Variants in ATP10B observed in about 807,000 individuals in gnomAD.
ATP10B encodes the protein phospholipid-transporting ATPase VB.
ATP10B carries 122 observed loss-of-function variants against 141.2 expected under a neutral mutation model. That is an observed-to-expected ratio of 0.86 (90% CI 0.75 to 1.00). ATP10B has a LOEUF of 1.00. Among genes scored for constraint, ATP10B ranks in the 50% least tolerant of loss-of-function variants. The pLI, the probability that ATP10B is intolerant of heterozygous loss-of-function variation, is 0.00. For missense variants in ATP10B, 1,876 were observed against 1,825.3 expected, an observed-to-expected ratio of 1.03 and a Z score of -0.51; for synonymous variants, 685 against 692.0, an observed-to-expected ratio of 0.99 and a Z score of 0.16.
chr5:160,716,832 T>A lies in ATP10B; in HGVS notation c.-205+77A>T, dbSNP rs1039329020. 19 of 903,062 alleles carry A rather than the reference T, an allele frequency of 2.1e-5. 1 individual carries two copies. In the South Asian group the frequency reaches 3.1e-4, roughly 15 times the overall value. The allele number at this position is 903,062 out of a possible 1,614,324, so 55.9% of individuals were successfully genotyped here. A position where few individuals can be genotyped will look rare whatever the true frequency, so the allele number is the denominator to read the frequency against. On this transcript the variant is annotated intron_variant, in intron 3 of 25. Coordinates refer to ENST00000327245, the MANE Select transcript of ATP10B (RefSeq NM_025153.3). Reference sequence around the variant, plus strand: ...AAGGTGGTGTCATGAACCAAAGGACTATTGGAGCTACATCCACCTCAGTCA... The same window carrying A: ...AAGGTGGTGTCATGAACCAAAGGACAATTGGAGCTACATCCACCTCAGTCA...
intron 10 of ATP10B, 21 bp downstream of exon 10, chr5:160,640,440 T>C: frequency 1.2e-6 from 2 of 1,612,130 alleles, no homozygotes; most frequent in Non-Finnish European, 1.7e-6. Context: ...GTGTCCTTGT[T>C]CTTTCCAGAA....
chr5:160,632,091 A>G (rs1283010857), intron 13 of ATP10B, 38 bp downstream of exon 13: 1 of 1,561,404 alleles, frequency 6.4e-7, no homozygotes, highest in Non-Finnish European at 8.7e-7. Context: ...CTCTTCCCAC[A>G]GAACACTTAC....
chr5:160,632,634 T>C, intron 12 of ATP10B: 1 of 326,846 alleles, frequency 3.1e-6, no homozygotes, highest in Non-Finnish European at 5.6e-6. Context: ...TTTTTTTTTT[T>C]TTTTTTTTAG....
At chr5:160,598,742 C>T (rs771178091) in intron 22 of ATP10B, 28 bp downstream of exon 22, 12 of 1,611,158 alleles carry the variant, frequency 7.4e-6, no homozygotes, top group Non-Finnish European at 9.3e-6. Flanking sequence ...GCTGAAGTCA[C>T]CTCCCTTTGG....
intron 2 of ATP10B, among the ~76,000 whole-genome samples, chr5:160,745,403 CAATTT>C (rs1377617465): frequency 6.6e-6 from 1 of 152,200 alleles, no homozygotes; most frequent in East Asian, 1.9e-4. Context: ...CTCCATGATG[CAATTT>C]TAGGCCAACT....
At chr5:160,844,595 G>A (rs1396593359) in intron 1 of ATP10B, among the ~76,000 whole-genome samples, 3 of 151,888 alleles carry the variant, frequency 2.0e-5, no homozygotes, top group Non-Finnish European at 4.4e-5. Flanking sequence ...GCCTAGGCTG[G>A]AGTGTAGTGG....
At chr5:160,572,041 A>C (rs1440064602) in intron 24 of ATP10B, among the ~76,000 whole-genome samples, 1 of 152,202 alleles carries the variant, frequency 6.6e-6, no homozygotes, top group Non-Finnish European at 1.5e-5. Context: ...ACTTTTGCTC[A>C]ATCAAGTCTG....
intron 13 of ATP10B, among the ~76,000 whole-genome samples, chr5:160,631,626 C>G (rs1758945574): frequency 2.0e-5 from 3 of 152,216 alleles, no homozygotes; most frequent in Admixed American, 2.0e-4. Context: ...ACAGGCTTAT[C>G]TGTTGTTTTT....
chr5:160,804,425 A>G (rs1581564093), intron 1 of ATP10B, among the ~76,000 whole-genome samples: 3 of 152,220 alleles, frequency 2.0e-5, no homozygotes. Flanking sequence ...TTGAGTTCAT[A>G]CTATGTGTCA....
chr5:160,638,572 T>A (rs1759593712), intron 10 of ATP10B, among the ~76,000 whole-genome samples: 1 of 152,094 alleles, frequency 6.6e-6, no homozygotes, highest in Admixed American at 6.5e-5. Context: ...TGGAGTGCTA[T>A]TAGACATACC....
At chr5:160,828,939 C>G (rs1774848756) in intron 1 of ATP10B, among the ~76,000 whole-genome samples, 1 of 145,600 alleles carries the variant, frequency 6.9e-6, no homozygotes, top group African/African-American at 2.5e-5. Context: ...TCATCATTCT[C>G]AGTAAACTAA....
upstream of ATP10B, among the ~76,000 whole-genome samples, chr5:160,854,098 C>T (rs1315854195): frequency 3.9e-5 from 6 of 152,134 alleles, no homozygotes; most frequent in East Asian, 1.9e-4. Context: ...CTCCCATCCC[C>T]GACACCAGTA....
At chr5:160,690,329 T>C (rs1446227982) in intron 3 of ATP10B, among the ~76,000 whole-genome samples, 1 of 152,094 alleles carries the variant, frequency 6.6e-6, no homozygotes, top group Non-Finnish European at 1.5e-5. Context: ...CCAAAAGCAA[T>C]GGCAACAAAA....
At chr5:160,642,542 T>C (rs985867338) in intron 9 of ATP10B, among the ~76,000 whole-genome samples, 1 of 152,160 alleles carries the variant, frequency 6.6e-6, no homozygotes, top group Non-Finnish European at 1.5e-5. Context: ...GGGGTGCTAA[T>C]GCATCTTGTG....
intron 18 of ATP10B, chr5:160,611,976 T>A (rs894000442): frequency 2.0e-5 from 3 of 152,260 alleles, no homozygotes; most frequent in Non-Finnish European, 4.4e-5. Context: ...CAATTTGAAT[T>A]GTGAAAACAG....
chr5:160,920,629 C>T, the ATP10B span, among the ~76,000 whole-genome samples: 1 of 152,234 alleles, frequency 6.6e-6, no homozygotes, highest in East Asian at 1.9e-4. Flanking sequence ...TGCAACATCA[C>T]TTGCCCTTCA....
the ATP10B span, among the ~76,000 whole-genome samples, chr5:160,905,777 A>G: frequency 6.6e-6 from 1 of 152,200 alleles, no homozygotes; most frequent in African/African-American, 2.4e-5. Flanking sequence ...CAGATAGTCA[A>G]TAAATGCTGG....
intron 3 of ATP10B, among the ~76,000 whole-genome samples, chr5:160,704,275 T>G (rs1354089095): frequency 1.3e-5 from 2 of 152,126 alleles, no homozygotes; most frequent in Non-Finnish European, 2.9e-5. Flanking sequence ...TAGACTGATC[T>G]TGAACTCCTG....
At chr5:160,880,680 T>C in the ATP10B span, among the ~76,000 whole-genome samples, 2 of 152,044 alleles carry the variant, frequency 1.3e-5, no homozygotes, top group Admixed American at 6.6e-5. Context: ...TGAGCAAATA[T>C]AATACAATGG....
Sources: gnomAD v4.1 joint callset for allele counts (sites outside exome capture counted in the v4.1 genomes callset) on GRCh38, gnomAD v4.1.1 for gene constraint, MANE v1.5 for transcripts, NCBI Gene and HGNC (gene_info 2026-07-23, HGNC 2026-07-21) for gene names.